The following CCR5AS variants were observed in gnomAD, a reference collection of about 807,000 sequenced individuals.
CCR5AS encodes the protein CCR5 antisense RNA.
At chr3:46,371,929 A>G (rs893841726) in intron 2 of CCR5AS, among the ~76,000 whole-genome samples, 1 of 152,082 alleles carries the variant, frequency 6.6e-6, no homozygotes, top group Admixed American at 6.5e-5. Context: ...TCTCTTTTCG[A>G]GGACTGAGAG....
At chr3:46,392,876 C>A (rs552693936) in exon 2 of CCR5AS, 2 of 214,788 alleles carry the variant, frequency 9.3e-6, no homozygotes, top group Non-Finnish European at 1.8e-5. Context: ...GACCTGAGGT[C>A]GTAGGTGGAT....
intron 1 of CCR5AS, among the ~76,000 whole-genome samples, chr3:46,402,786 C>T (rs1222513042): frequency 1.3e-5 from 2 of 152,138 alleles, no homozygotes; most frequent in Non-Finnish European, 2.9e-5. Context: ...AAGCTTGTTA[C>T]GTAGGTAACC....
intron 1 of CCR5AS, among the ~76,000 whole-genome samples, chr3:46,401,589 T>C (rs1161202936): frequency 6.6e-6 from 1 of 152,174 alleles, no homozygotes; most frequent in Admixed American, 6.5e-5. Context: ...CCTATCATAG[T>C]GTCCCTAATA....
At chr3:46,388,321 G>A (rs1701880340) in intron 2 of CCR5AS, among the ~76,000 whole-genome samples, 1 of 152,136 alleles carries the variant, frequency 6.6e-6, no homozygotes, top group Non-Finnish European at 1.5e-5. Flanking sequence ...GGTAAGGGGT[G>A]ATATTGTGGG....
At chr3:46,373,527 G>T (rs747396322) in intron 2 of CCR5AS, 2 of 1,613,224 alleles carry the variant, frequency 1.2e-6, no homozygotes, top group Non-Finnish European at 1.7e-6. Flanking sequence ...GCCGCTGCTT[G>T]TCATGGTCAT....
intron 2 of CCR5AS, among the ~76,000 whole-genome samples, chr3:46,380,880 A>C (rs778589423): frequency 1.3e-5 from 2 of 152,184 alleles, no homozygotes; most frequent in Non-Finnish European, 2.9e-5. Flanking sequence ...AAGTCTGAGA[A>C]ATACTGCCTA....
At chr3:46,389,057 G>T (rs1172134350) in intron 2 of CCR5AS, among the ~76,000 whole-genome samples, 4 of 152,328 alleles carry the variant, frequency 2.6e-5, no homozygotes, top group East Asian at 3.9e-4. Context: ...CTAGACAGAA[G>T]ATAGTGGAGA....
intron 2 of CCR5AS, chr3:46,373,738 T>C (rs1020608562): frequency 1.2e-6 from 2 of 1,614,070 alleles, no homozygotes; most frequent in East Asian, 2.2e-5. Context: ...GACCAAGCTA[T>C]GCAGGTGACA....
intron 1 of CCR5AS, among the ~76,000 whole-genome samples, chr3:46,402,370 T>C (rs942989046): frequency 2.0e-5 from 3 of 152,216 alleles, no homozygotes; most frequent in Admixed American, 6.5e-5. Context: ...GCCTTAAAAT[T>C]ATATGCCATT....
At chr3:46,389,145 A>T (rs922183749) in intron 2 of CCR5AS, among the ~76,000 whole-genome samples, 13 of 152,152 alleles carry the variant, frequency 8.5e-5, no homozygotes, top group African/African-American at 2.9e-4. Context: ...GGTAAGGATA[A>T]ATAGACTTAA....
chr3:46,384,910 TAGAC>T (rs1247630820), intron 2 of CCR5AS, among the ~76,000 whole-genome samples: 1 of 123,244 alleles, frequency 8.1e-6, no homozygotes, highest in South Asian at 3.0e-4. Context: ...GATAGATAGA[TAGAC>T]AGACAGACAG....
chr3:46,385,219 G>A (rs566057814), intron 2 of CCR5AS, among the ~76,000 whole-genome samples: 8 of 152,336 alleles, frequency 5.3e-5, no homozygotes, highest in Non-Finnish European at 8.8e-5. Context: ...ATGTCAAGCT[G>A]TCAAGTGTAG....
In CCR5AS at chr3:46,394,115, T is replaced by A. The variant is rs540003856; in HGVS notation, n.164-1063A>T. 5.9e-5 allele frequency among the ~76,000 whole-genome samples: 9 copies of A among 152,280 alleles called. 1 individual carries two copies. In the South Asian group the frequency reaches 1.9e-3, roughly 32 times the overall value. On this transcript the variant is annotated intron_variant and non_coding_transcript_variant, in intron 1 of 3. Transcript: ENST00000451485. ...AGGATGACAGTTCCACCAGGAGACA[T>A]CAGTGTTATCTGGAGACATTTTAGT...
At chr3:46,383,928 GC>G (rs1701835624) in intron 2 of CCR5AS, among the ~76,000 whole-genome samples, 1 of 152,164 alleles carries the variant, frequency 6.6e-6, no homozygotes, top group Non-Finnish European at 1.5e-5. Flanking sequence ...AGAAAAGCAA[GC>G]AAAAAGGCAA....
intron 1 of CCR5AS, among the ~76,000 whole-genome samples, chr3:46,397,992 A>G (rs1701975777): frequency 6.6e-6 from 1 of 152,226 alleles, no homozygotes; most frequent in East Asian, 1.9e-4. Context: ...GCTGAAGCCT[A>G]TGGGGTATGT....
chr3:46,402,452 A>C (rs1190740339), intron 1 of CCR5AS, among the ~76,000 whole-genome samples: 1 of 152,242 alleles, frequency 6.6e-6, no homozygotes, highest in African/African-American at 2.4e-5. Context: ...TTCTAAAAGT[A>C]GTTTTTCTAC....
intron 1 of CCR5AS, among the ~76,000 whole-genome samples, chr3:46,398,183 C>A (rs992495987): frequency 1.7e-4 from 18 of 105,116 alleles, no homozygotes; most frequent in Non-Finnish European, 2.4e-4. Flanking sequence ...TTTATAATAC[C>A]CTCAAAATGG....
At chr3:46,372,308 AT>A (rs1701673152) in intron 2 of CCR5AS, among the ~76,000 whole-genome samples, 2 of 152,284 alleles carry the variant, frequency 1.3e-5, no homozygotes, top group Admixed American at 1.3e-4. Context: ...AGGCAGGAGG[AT>A]CGCTTGAGCC....
intron 3 of CCR5AS, among the ~76,000 whole-genome samples, chr3:46,368,695 G>A (rs893167011): frequency 1.3e-5 from 2 of 152,192 alleles, no homozygotes; most frequent in Admixed American, 1.3e-4. Flanking sequence ...TTTAACAGAT[G>A]AGGAAATGGA....
Sources: allele counts gnomAD v4.1 joint callset (sites outside exome capture counted in the v4.1 genomes callset), GRCh38; gene constraint gnomAD v4.1.1; transcripts MANE v1.5; gene names NCBI Gene and HGNC (gene_info 2026-07-23, HGNC 2026-07-21).